The following RCC1L variants were observed in gnomAD, a reference collection of about 807,000 sequenced individuals.
The protein encoded by RCC1L is RCC1-like G exchanging factor-like protein.
Under a neutral mutation model 58.6 loss-of-function variants are expected in RCC1L, and 46 were observed. The ratio of observed to expected loss-of-function variants is 0.79; its 90% CI spans 0.62 to 1.00. RCC1L has a LOEUF of 1.00. RCC1L is among the 50% of genes least tolerant of loss of function. The probability of loss-of-function intolerance (pLI) is 0.00; values close to 1 mark genes in which losing one functional copy is unlikely to be tolerated. For synonymous variants in RCC1L, 281 were observed against 262.9 expected (o/e 1.07, Z -0.67); for missense variants, 636 against 623.6 (o/e 1.02, Z -0.21).
intron 9 of RCC1L, among the ~76,000 whole-genome samples, chr7:75,053,900 T>C (rs1805995102): frequency 6.6e-6 from 1 of 152,204 alleles, no homozygotes; most frequent in South Asian, 2.1e-4. Context: ...AGTTTTTGTG[T>C]GTGTGTGTTT....
chr7:75,063,452 G>A lies in RCC1L; in HGVS notation c.651-109C>T, dbSNP rs587644373. The A allele has an allele frequency of 1.8e-4, 202 of 1,139,282 alleles. 2 individuals are homozygous for A. The South Asian group carries it at 2.4e-3, about 14-fold the overall frequency. 70.6% of individuals were successfully genotyped at this position (1,139,282 alleles called of 1,614,324 possible). On this transcript the variant is annotated intron_variant, in intron 4 of 10. Transcript: ENST00000610322. Reference sequence around the variant, plus strand: ...ATGGCCCGTCCCCTCCGCTCACACAGTAACTGTTGGGGTAACTCTCAAGGT... The same window carrying A: ...ATGGCCCGTCCCCTCCGCTCACACAATAACTGTTGGGGTAACTCTCAAGGT...
At chr7:75,072,161 C>CATATATATATACATATATAT (rs1806771982) in intron 1 of RCC1L, among the ~76,000 whole-genome samples, 1 of 46,366 alleles carries the variant, frequency 2.2e-5, no homozygotes, top group African/African-American at 5.8e-5. Context: ...TATACATATA[C>CATATATATATACATATATAT]ATATATATAT....
In RCC1L at chr7:75,043,092, C is replaced by T; in HGVS notation, c.1335G>A (p.Glu445=). 2 of 1,614,040 alleles carry T rather than the reference C, an allele frequency of 1.2e-6. No homozygotes were observed. Among genetic ancestry groups the T allele is most frequent in the Non-Finnish European group, 1.7e-6 (2 of 1,179,874 alleles). Residue 445 remains glutamate, a synonymous_variant, in exon 11 of 11, where the codon GAG becomes GAA. Transcript: ENST00000610322. ...CCACGCCACATGCCACGTCCACAGG[C>T]TCCCCAGGCATCGTCACCTGAAAAA... ...YFPWRVTMPG[E]PVDVACGVDH...
rs10274566 is a variant in RCC1L at position 75,067,620 on chromosome 7, G to A, written c.455-828C>T. Among the ~76,000 whole-genome samples, 502 of 150,882 alleles carry A rather than the reference G, an allele frequency of 3.3e-3. 3 individuals are homozygous for A. The highest frequency in any genetic ancestry group is 0.011 in the African/African-American group (431 of 40,418). ...ACTCCAGCCTTCTGGGAGACAGAGC[G>A]AGACACTGTTTTAAAAAAAAAATAC... On this transcript the variant is annotated intron_variant, in intron 2 of 10. Coordinates refer to ENST00000610322, the MANE Select transcript of RCC1L (RefSeq NM_030798.5).
intron 10 of RCC1L, among the ~76,000 whole-genome samples, chr7:75,031,174 G>C (rs1805290311): frequency 6.6e-6 from 1 of 152,136 alleles, no homozygotes; most frequent in Non-Finnish European, 1.5e-5. Flanking sequence ...TCCTGAGATG[G>C]GGGTGAGTGG....
At chr7:75,069,015 C>T (rs945092817) in intron 2 of RCC1L, among the ~76,000 whole-genome samples, 13 of 151,256 alleles carry the variant, frequency 8.6e-5, no homozygotes, top group Admixed American at 2.6e-4. Context: ...ATTACAGGCG[C>T]GCGCCTCCAT....
intron 3 of RCC1L, among the ~76,000 whole-genome samples, chr7:75,065,006 C>A (rs1186753980): frequency 6.6e-6 from 1 of 152,056 alleles, no homozygotes; most frequent in Non-Finnish European, 1.5e-5. Flanking sequence ...AGCGCCTCTG[C>A]CCAGTCGTCA....
chr7:75,066,758 G>C lies in RCC1L; in HGVS notation c.489C>G (p.Pro163=). 1 of 1,612,824 alleles carries C rather than the reference G, an allele frequency of 6.2e-7. No homozygotes were observed. The highest frequency in any genetic ancestry group is 8.5e-7 in the Non-Finnish European group (1 of 1,179,488). Residue 163 remains proline, a synonymous_variant, in exon 3 of 11, where the codon CCC becomes CCG. Transcript: ENST00000610322. ...RGYEYVLEPS[P]VSLPLDRPQE... ...GAGGTCTGTCCAGAGGCAGGGAGACGGGTGAGGGCTCCAACACATACTCGT... is the reference window on the plus strand; with the variant it reads ...GAGGTCTGTCCAGAGGCAGGGAGACCGGTGAGGGCTCCAACACATACTCGT...
At position 75,070,660 on chromosome 7, in the gene RCC1L, T is replaced by C. The variant is rs1554445928; in HGVS notation, c.434A>G (p.His145Arg). 1.2e-6 allele frequency: 2 copies of C among 1,614,020 alleles called. No homozygotes were observed. The highest frequency in any genetic ancestry group is 2.2e-5 in the South Asian group (2 of 91,082). Residue 145 changes from histidine (H) to arginine (R), a missense_variant, in exon 2 of 11, where the codon CAC (histidine) becomes CGC (arginine). By Grantham distance (29) the His-to-Arg change is conservative. Transcript: ENST00000610322. ...CTCACTTTTATCTTTCCGGCTCCTG[T>C]GAAATCCAAGCTGAGAATCTTTGTT... Reference protein sequence around the residue: ...GLNKDSQLGFHRSRKDKTRGY... With the variant: ...GLNKDSQLGFRRSRKDKTRGY...
chr7:75,048,428 C>T (rs1805811214), intron 10 of RCC1L, among the ~76,000 whole-genome samples: 1 of 152,214 alleles, frequency 6.6e-6, no homozygotes, highest in Admixed American at 6.5e-5. Context: ...CGTCTACAGG[C>T]AGAGTCGCAA....
intron 10 of RCC1L, among the ~76,000 whole-genome samples, chr7:75,034,659 A>G (rs1271352414): frequency 6.6e-6 from 1 of 152,094 alleles, no homozygotes; most frequent in Non-Finnish European, 1.5e-5. Flanking sequence ...CTGAGTGGGA[A>G]ACTCAGGCAG....
chr7:75,034,795 G>C (rs1805398458), intron 10 of RCC1L, among the ~76,000 whole-genome samples: 1 of 151,958 alleles, frequency 6.6e-6, no homozygotes, highest in East Asian at 1.9e-4. Flanking sequence ...GTTAACTATA[G>C]GCGTGCACCA....
At chr7:75,072,149 C>CAT (rs1373236031) in intron 1 of RCC1L, among the ~76,000 whole-genome samples, 10 of 35,898 alleles carry the variant, frequency 2.8e-4, no homozygotes, top group South Asian at 1.2e-3. Context: ...TATACATATA[C>CAT]ATATACATAT....
chr7:75,034,273 T>C (rs1309705455), intron 10 of RCC1L, among the ~76,000 whole-genome samples: 2 of 152,160 alleles, frequency 1.3e-5, no homozygotes, highest in East Asian at 3.8e-4. Flanking sequence ...CCTAGCACTT[T>C]AGGAGTCCAA....
intron 3 of RCC1L, among the ~76,000 whole-genome samples, chr7:75,065,559 A>T (rs1806441385): frequency 3.3e-5 from 1 of 30,286 alleles, no homozygotes; most frequent in Non-Finnish European, 8.3e-5. Flanking sequence ...CGTCTCAGAT[A>T]AAAAAAAAGA....
chr7:75,042,348 G>A lies in RCC1L; in HGVS notation c.*684C>T. ...CTGAGCCTTGGCGGATATGCTCGGG[G>A]CCCTCGGCGCAGAGGAACTTGGCCT... On this transcript the variant is annotated 3_prime_UTR_variant, in exon 11 of 11. Transcript: ENST00000610322. 2 of 985,604 alleles carry A rather than the reference G, an allele frequency of 2.0e-6. No homozygotes were observed. The highest frequency in any genetic ancestry group is 2.4e-6 in the Non-Finnish European group (2 of 830,034). The allele number at this position is 985,604 out of a possible 1,614,324, so 61.1% of individuals were successfully genotyped here.
In RCC1L at chr7:75,056,361, C is replaced by T. The variant is rs948910228; in HGVS notation, c.1058-287G>A. On this transcript the variant is annotated intron_variant, in intron 8 of 10. Coordinates refer to ENST00000610322, the MANE Select transcript of RCC1L (RefSeq NM_030798.5). ...TTGAGGGTTAGTAACCTGGAAGGGACGAGCGTATAAATCATCCAGAAAACC... is the reference window on the plus strand; with the variant it reads ...TTGAGGGTTAGTAACCTGGAAGGGATGAGCGTATAAATCATCCAGAAAACC... Among the ~76,000 whole-genome samples, 113 of 152,170 alleles carry T rather than the reference C, an allele frequency of 7.4e-4. 1 individual carries two copies. Among genetic ancestry groups the T allele is most frequent in the Admixed American group, 2.4e-3 (37 of 15,258 alleles).
chr7:75,039,382 A>G (rs1006275811), downstream of RCC1L, among the ~76,000 whole-genome samples: 1 of 152,248 alleles, frequency 6.6e-6, no homozygotes, highest in Admixed American at 6.5e-5. Flanking sequence ...GAGCACAGTC[A>G]GCGCAGAAGT....
downstream of RCC1L, chr7:75,042,095 A>C (rs1480723439): frequency 3.8e-6 from 3 of 792,426 alleles, no homozygotes; most frequent in African/African-American, 5.6e-5. Context: ...AGTATTTTTC[A>C]CTGGCTTCTG....
Sources: allele counts gnomAD v4.1 joint callset (sites outside exome capture counted in the v4.1 genomes callset), GRCh38; gene constraint gnomAD v4.1.1; transcripts MANE v1.5; gene names NCBI Gene and HGNC (gene_info 2026-07-23, HGNC 2026-07-21).